Variants in SAMD5 observed in about 807,000 individuals in gnomAD.
The protein encoded by SAMD5 is sterile alpha motif domain-containing protein 5.
A neutral mutation model predicts 11.3 loss-of-function variants in SAMD5; 13 were observed. The observed-to-expected ratio is 1.15, with a 90% CI of 0.75 to 1.83. SAMD5 has a LOEUF of 1.83. Ranked by LOEUF, SAMD5 falls within the 40% of genes most tolerant of loss-of-function variation. The pLI is 0.00. For missense variants in SAMD5, 255 were observed against 239.1 expected, an observed-to-expected ratio of 1.07 and a Z score of -0.44; for synonymous variants, 129 against 111.3, an observed-to-expected ratio of 1.16 and a Z score of -1.00.
Position 147,703,583 on chromosome 6 carries a change from G to C in SAMD5, c.163-33734G>C, listed in dbSNP as rs191246948. Among the ~76,000 whole-genome samples the C allele has an allele frequency of 1.7e-3, 263 of 152,306 alleles. 1 individual carries two copies. Among genetic ancestry groups the C allele is most frequent in the African/African-American group, 6.0e-3 (248 of 41,562 alleles). On this transcript the variant is annotated intron_variant, in intron 1 of 1. Coordinates refer to the SAMD5 transcript ENST00000566741. ...ATTGCCAGGTTGTTCTGACTTTGCTGTATTTGTTTTATTTGGGAGAAGTGG... is the reference window on the plus strand; with the variant it reads ...ATTGCCAGGTTGTTCTGACTTTGCTCTATTTGTTTTATTTGGGAGAAGTGG...
intron 1 of SAMD5, among the ~76,000 whole-genome samples, chr6:147,544,591 T>C (rs181551664): frequency 1.3e-5 from 2 of 152,306 alleles, no homozygotes; most frequent in East Asian, 3.9e-4. Flanking sequence ...TTGCCATTTT[T>C]AGTAAGGAGA....
At chr6:147,718,354 G>T (rs542634425) in intron 1 of SAMD5, among the ~76,000 whole-genome samples, 1 of 152,254 alleles carries the variant, frequency 6.6e-6, no homozygotes, top group Non-Finnish European at 1.5e-5. Context: ...GTCTCCAAAG[G>T]CTCCTTTACA....
intron 1 of SAMD5, among the ~76,000 whole-genome samples, chr6:147,633,110 C>T (rs999931765): frequency 2.6e-5 from 4 of 152,092 alleles, no homozygotes; most frequent in Non-Finnish European, 5.9e-5. Flanking sequence ...TTTTGGATGC[C>T]TTCTTAAGGG....
At chr6:147,940,313 A>G in the SAMD5 span, among the ~76,000 whole-genome samples, 5 of 151,948 alleles carry the variant, frequency 3.3e-5, no homozygotes, top group East Asian at 9.7e-4. Context: ...TTTATATAAC[A>G]TAATGTAGTT....
chr6:147,824,991 C>A, the SAMD5 span, among the ~76,000 whole-genome samples: 33 of 152,154 alleles, frequency 2.2e-4, no homozygotes, highest in African/African-American at 7.7e-4. Flanking sequence ...TAAGAAAGTT[C>A]TCTTTTTAAA....
At chr6:147,615,475 G>A (rs555353989) in intron 1 of SAMD5, among the ~76,000 whole-genome samples, 180 of 152,154 alleles carry the variant, frequency 1.2e-3, no homozygotes, top group African/African-American at 4.1e-3. Flanking sequence ...TGCCTTTTGG[G>A]CACCTATTTT....
intron 1 of SAMD5, among the ~76,000 whole-genome samples, chr6:147,718,573 G>C (rs1413710273): frequency 6.6e-6 from 1 of 152,138 alleles, no homozygotes; most frequent in Non-Finnish European, 1.5e-5. Context: ...GTTAAGCAAA[G>C]TAAATCCAAA....
the SAMD5 span, among the ~76,000 whole-genome samples, chr6:147,765,698 G>A: frequency 2.0e-5 from 3 of 152,178 alleles, no homozygotes; most frequent in Non-Finnish European, 4.4e-5. Flanking sequence ...TAAAGGCTGT[G>A]GTGAGGCACG....
At chr6:147,710,343 G>C (rs2128458444) in intron 1 of SAMD5, among the ~76,000 whole-genome samples, 1 of 152,296 alleles carries the variant, frequency 6.6e-6, no homozygotes, top group African/African-American at 2.4e-5. Flanking sequence ...GTTGCCTATG[G>C]TTAACTGTGG....
the SAMD5 span, among the ~76,000 whole-genome samples, chr6:147,859,873 T>C: frequency 6.6e-6 from 1 of 152,204 alleles, no homozygotes; most frequent in African/African-American, 2.4e-5. Context: ...AGATAATAAC[T>C]TGTGTCTGTC....
chr6:147,519,934 A>T (rs900511631), intron 1 of SAMD5, among the ~76,000 whole-genome samples: 4 of 152,026 alleles, frequency 2.6e-5, no homozygotes, highest in African/African-American at 9.7e-5. Flanking sequence ...GTTTTTAAGG[A>T]CTCCCTTATT....
intron 1 of SAMD5, among the ~76,000 whole-genome samples, chr6:147,663,903 A>AT (rs201468036): frequency 0.069 from 9,871 of 142,136 alleles, 424 homozygotes; most frequent in African/African-American, 0.12. Context: ...TTACATGTAA[A>AT]TTTTTTTTTT....
chr6:147,838,795 G>A, the SAMD5 span, among the ~76,000 whole-genome samples: 621 of 152,216 alleles, frequency 4.1e-3, 3 homozygotes, highest in Non-Finnish European at 6.5e-3. Flanking sequence ...TCACTTGTTG[G>A]GGGTAAGGGA....
chr6:147,793,547 T>G, the SAMD5 span, among the ~76,000 whole-genome samples: 10 of 152,294 alleles, frequency 6.6e-5, no homozygotes, highest in Non-Finnish European at 1.5e-4. Context: ...ATATAGCCAG[T>G]ATCATGCCAG....
At chr6:147,847,008 T>G in the SAMD5 span, among the ~76,000 whole-genome samples, 1 of 152,202 alleles carries the variant, frequency 6.6e-6, no homozygotes, top group Admixed American at 6.5e-5. Flanking sequence ...TTGGTAGATA[T>G]CAAGAAGTTA....
intron 1 of SAMD5, among the ~76,000 whole-genome samples, chr6:147,595,960 A>C (rs1053903992): frequency 6.6e-6 from 1 of 152,192 alleles, no homozygotes; most frequent in Admixed American, 6.5e-5. Flanking sequence ...TAGGATGTAC[A>C]TGAATGTGGG....
In SAMD5 at chr6:147,568,770, A is replaced by G; in HGVS notation, c.*4314A>G. 1.0e-6 allele frequency: 1 copy of G among 970,754 alleles called. No homozygotes were observed. Among genetic ancestry groups the G allele is most frequent in the African/African-American group, 1.8e-5 (1 of 57,024 alleles). The allele number at this position is 970,754 out of a possible 1,614,324, so 60.1% of individuals were successfully genotyped here. A position where few individuals can be genotyped will look rare whatever the true frequency, so the allele number is the denominator to read the frequency against. ...TCAATTACATATTCCTACATCAGAT[A>G]TTTTACACTATCAGATTCTTTGATT... On this transcript the variant is annotated 3_prime_UTR_variant, in exon 2 of 2. Coordinates refer to ENST00000367474, the MANE Select transcript of SAMD5 (RefSeq NM_001030060.3).
chr6:147,686,649 A>G (rs988889282), intron 1 of SAMD5, among the ~76,000 whole-genome samples: 1 of 151,482 alleles, frequency 6.6e-6, no homozygotes, highest in African/African-American at 2.4e-5. Flanking sequence ...ATGCTTTCCA[A>G]TACTGTGCTA....
chr6:147,709,868 T>C (rs529256010), intron 1 of SAMD5, among the ~76,000 whole-genome samples: 2 of 152,290 alleles, frequency 1.3e-5, no homozygotes, highest in East Asian at 3.9e-4. Flanking sequence ...CCTCGCTATC[T>C]TAACTGCTAT....
Sources: gnomAD v4.1 joint callset for allele counts (sites outside exome capture counted in the v4.1 genomes callset) on GRCh38, gnomAD v4.1.1 for gene constraint, MANE v1.5 for transcripts, NCBI Gene and HGNC (gene_info 2026-07-23, HGNC 2026-07-21) for gene names.